Variants in CEP152 observed in about 807,000 individuals in gnomAD.
CEP152 encodes the protein centrosomal protein of 152 kDa.
CEP152 carries 132 observed loss-of-function variants against 188.9 expected under a neutral mutation model. That is an observed-to-expected ratio of 0.70 (90% confidence interval 0.61 to 0.81). CEP152 has a LOEUF of 0.81. Ranked by LOEUF, CEP152 falls within the 30% of genes least tolerant of loss-of-function variation. CEP152 has a pLI of 0.00. For synonymous variants in CEP152, 649 were observed against 666.6 expected (o/e 0.97, Z 0.41); for missense variants, 1,914 against 1,969.8 (o/e 0.97, Z 0.54).
chr15:48,795,973 T>C lies in CEP152; in HGVS notation c.691+37A>G, dbSNP rs377587158. 166 of 1,569,818 alleles carry C rather than the reference T, an allele frequency of 1.1e-4. 1 individual carries two copies. The highest frequency in any genetic ancestry group is 6.7e-5 in the East Asian group (3 of 44,624). ...TTGTGTATTCAAATTTCCCCAATTA[T>C]GTGGTATTAAAAAATAAATATAAAC... On this transcript the variant is annotated intron_variant, in intron 6 of 26. Coordinates refer to ENST00000380950, the MANE Select transcript of CEP152 (RefSeq NM_001194998.2).
At position 48,769,068 on chromosome 15, in the gene CEP152, G is replaced by T. The variant is rs1895341590; in HGVS notation, c.1796C>A (p.Thr599Asn). 2 of 1,606,946 alleles carry T rather than the reference G, an allele frequency of 1.2e-6. No individual in the cohort carries two copies. Among genetic ancestry groups the T allele is most frequent in the Non-Finnish European group, 8.5e-7 (1 of 1,174,408 alleles). ...TAATTGATTCTTTGGTTTTTCTGAGGTATCTGTTTTAGTCTGAATATTAAA... is the reference window on the plus strand; with the variant it reads ...TAATTGATTCTTTGGTTTTTCTGAGTTATCTGTTTTAGTCTGAATATTAAA... Reference protein sequence around the residue: ...KSIEVETKTDTSEKPKNQLWP... With the variant: ...KSIEVETKTDNSEKPKNQLWP... The change falls in exon 14 of 27, where the codon ACC becomes AAC. Residue 599 changes from threonine (T) to asparagine (N), a missense_variant. Transcript: ENST00000380950.
intron 9 of CEP152, 80 bp from the exon 10 acceptor site, chr15:48,784,200 TAGA>T: frequency 1.8e-5 from 24 of 1,358,312 alleles, no homozygotes; most frequent in Non-Finnish European, 2.2e-5. Flanking sequence ...GATACATAAT[TAGA>T]TTTGATGTCA....
At chr15:48,805,432 A>C (rs1425768391) in intron 2 of CEP152, 131 bp downstream of exon 2, 3 of 1,240,114 alleles carry the variant, frequency 2.4e-6, no homozygotes, top group Non-Finnish European at 3.3e-6. Flanking sequence ...AGCAGATTTT[A>C]GGGTTGTTTT....
chr15:48,748,015 T>A (rs1438560469), intron 22 of CEP152, among the ~76,000 whole-genome samples: 1 of 152,176 alleles, frequency 6.6e-6, no homozygotes, highest in Non-Finnish European at 1.5e-5. Flanking sequence ...GAATTAACAA[T>A]CCTCTTTCTG....
intron 12 of CEP152, among the ~76,000 whole-genome samples, chr15:48,777,249 G>C (rs1895973524): frequency 6.6e-6 from 1 of 151,984 alleles, no homozygotes; most frequent in Non-Finnish European, 1.5e-5. Flanking sequence ...CTCATTAATT[G>C]TAACAAATGT....
In CEP152 at chr15:48,768,321, TTA is replaced by T; in HGVS notation, c.1914_1915del (p.Lys639ArgfsTer3). ...ATTTCTCAGTTTTCCTTCAGTTTCT[TTA>T]AGTTCCTAGACACAAAAGAATAAAC... On this transcript the variant is annotated frameshift_variant, in exon 15 of 27. Coordinates refer to ENST00000380950, the MANE Select transcript of CEP152 (RefSeq NM_001194998.2). LOFTEE classifies it high-confidence loss of function. 6.4e-7 allele frequency: 1 copy of T among 1,558,976 alleles called. No individual in the cohort carries two copies. The highest frequency in any genetic ancestry group is 8.9e-7 in the Non-Finnish European group (1 of 1,129,940).
At chr15:48,736,867 G>T (rs1197509308), downstream of CEP152, among the ~76,000 whole-genome samples, 5 of 152,166 alleles carry the variant, frequency 3.3e-5, no homozygotes, top group Non-Finnish European at 7.4e-5. Context: ...AAAAACAAGG[G>T]CTTAAAACGA....
intron 10 of CEP152, chr15:48,783,753 AT>A (rs1010922332): frequency 2.2e-4 from 38 of 171,020 alleles, no homozygotes; most frequent in African/African-American, 5.8e-4. Flanking sequence ...ACCTTTATAT[AT>A]TTTTTTATAT....
chr15:48,742,944 C>T (rs1209686199), intron 24 of CEP152, among the ~76,000 whole-genome samples: 1 of 151,942 alleles, frequency 6.6e-6, no homozygotes, highest in Admixed American at 6.6e-5. Flanking sequence ...TGGTTCTATG[C>T]AAAAATACTA....
chr15:48,783,865 T>G, intron 10 of CEP152, 108 bp downstream of exon 10: 14 of 938,882 alleles, frequency 1.5e-5, no homozygotes, highest in East Asian at 5.4e-5. Flanking sequence ...TTATTGCTGA[T>G]TGTGTTTTCT....
At chr15:48,785,356 T>C (rs776599797) in intron 9 of CEP152, among the ~76,000 whole-genome samples, 1 of 152,222 alleles carries the variant, frequency 6.6e-6, no homozygotes, top group African/African-American at 2.4e-5. Context: ...TTCTGGAAAC[T>C]AGTCCATGTT....
chr15:48,767,220 T>C (rs1895185526), intron 16 of CEP152, 28 bp from the exon 17 acceptor site: 6 of 1,613,734 alleles, frequency 3.7e-6, no homozygotes, highest in Non-Finnish European at 4.2e-6. Flanking sequence ...AGCAACTAAA[T>C]GATTTAACCA....
chr15:48,775,458 T>A (rs987090014), intron 12 of CEP152, among the ~76,000 whole-genome samples: 2 of 152,142 alleles, frequency 1.3e-5, no homozygotes, highest in Non-Finnish European at 2.9e-5. Flanking sequence ...AACAATGAAT[T>A]TCTTCACAGA....
At chr15:48,731,632 A>G (rs1280037789) in intron 2 of CEP152, among the ~76,000 whole-genome samples, 4 of 152,226 alleles carry the variant, frequency 2.6e-5, no homozygotes, top group African/African-American at 4.8e-5. Flanking sequence ...ATAGGAAAAG[A>G]CTTTATGACA....
chr15:48,731,538 AG>A (rs1403778818), intron 2 of CEP152, among the ~76,000 whole-genome samples: 1 of 152,210 alleles, frequency 6.6e-6, no homozygotes, highest in Non-Finnish European at 1.5e-5. Context: ...AATTAACTCA[AG>A]ATGGATTAAA....
chr15:48,772,354 G>T, intron 13 of CEP152, 133 bp downstream of exon 13: 1 of 742,948 alleles, frequency 1.3e-6, no homozygotes, highest in Non-Finnish European at 2.3e-6. Flanking sequence ...GAGGCTACAG[G>T]GAGCCATGTT....
In CEP152 at chr15:48,798,038, A is replaced by T; in HGVS notation, c.101T>A (p.Leu34His). Residue 34 changes from leucine (L) to histidine (H), a missense_variant, in exon 3 of 27, where the codon CTC (leucine) becomes CAC (histidine). Leu to His is a moderately conservative substitution (Grantham distance 99). Transcript: ENST00000380950. ...YEREKELQQL[L>H]TDLPHDMLDD... ...CAGCATGTCATGGGGAAGGTCTGTG[A>T]GTAACTGCTGCAACTGAGTCAAAAG... 1 of 1,613,896 alleles carries T rather than the reference A, an allele frequency of 6.2e-7. No individual in the cohort carries two copies.
At chr15:48,807,787 T>C (rs1248316575) in intron 1 of CEP152, among the ~76,000 whole-genome samples, 3 of 152,198 alleles carry the variant, frequency 2.0e-5, no homozygotes, top group African/African-American at 7.2e-5. Flanking sequence ...TCAACTGATG[T>C]TGATTATTGA....
In CEP152 at chr15:48,744,960, C is replaced by A; in HGVS notation, c.3667G>T (p.Glu1223Ter). The A allele has an allele frequency of 6.2e-7, 1 of 1,608,464 alleles. No individual in the cohort carries two copies. Among genetic ancestry groups the A allele is most frequent in the African/African-American group, 1.3e-5 (1 of 74,820 alleles). Reference protein sequence around the residue: ...ENNKVVEELIEENNDMKNKLE... With the variant: ...ENNKVVEELI ...TTATTCTTCATGTCGTTGTTTTCTT[C>A]TATTAATTCTTCAACAACTTTATTA... The change falls in exon 23 of 27, where the codon GAA (glutamate) becomes TAA (stop). Residue 1223 changes from glutamate (E) to a stop codon, truncating the protein, a stop_gained. Coordinates refer to ENST00000380950, the MANE Select transcript of CEP152 (RefSeq NM_001194998.2). LOFTEE classifies it high-confidence loss of function.
Sources: gnomAD v4.1 joint callset for allele counts (sites outside exome capture counted in the v4.1 genomes callset) on GRCh38, gnomAD v4.1.1 for gene constraint, MANE v1.5 for transcripts, NCBI Gene and HGNC (gene_info 2026-07-23, HGNC 2026-07-21) for gene names.